The following MINDY3 variants were observed in gnomAD, a reference collection of about 807,000 sequenced individuals.
The protein encoded by MINDY3 is MINDY lysine 48 deubiquitinase 3.
Under a neutral mutation model 69.2 loss-of-function variants are expected in MINDY3, and 38 were observed. The observed-to-expected ratio is 0.55, with a 90% CI of 0.42 to 0.72. The LOEUF (loss-of-function observed/expected upper bound fraction) is 0.72. MINDY3 is among the 30% of genes least tolerant of loss of function. MINDY3 has a pLI of 0.00. For missense variants in MINDY3, 522 were observed against 519.0 expected, an observed-to-expected ratio of 1.01 and a Z score of -0.06; for synonymous variants, 192 against 180.1, an observed-to-expected ratio of 1.07 and a Z score of -0.53.
chr10:15,820,748 T>C lies in MINDY3; in HGVS notation c.801+908A>G, dbSNP rs184509508. 1.1e-3 allele frequency among the ~76,000 whole-genome samples: 166 copies of C among 152,270 alleles called. 1 individual carries two copies. Among genetic ancestry groups the C allele is most frequent in the African/African-American group, 3.8e-3 (157 of 41,534 alleles). ...GTCTGACGAAAAAGAGGATCAACCA[T>C]GATTATCGTTATTACATATAATTAT... On this transcript the variant is annotated intron_variant, in intron 9 of 14. Coordinates refer to ENST00000277632, the MANE Select transcript of MINDY3 (RefSeq NM_024948.4).
At chr10:15,796,891 T>A (rs892927112) in intron 10 of MINDY3, among the ~76,000 whole-genome samples, 17 of 152,190 alleles carry the variant, frequency 1.1e-4, no homozygotes, top group African/African-American at 4.1e-4. Flanking sequence ...AAATTCTACT[T>A]GACACACATG....
At chr10:15,808,257 T>C (rs1458507688) in intron 10 of MINDY3, among the ~76,000 whole-genome samples, 33 of 152,168 alleles carry the variant, frequency 2.2e-4, no homozygotes, top group Admixed American at 2.2e-3. Flanking sequence ...CTTTCTGTAT[T>C]AGATGAGGCA....
At chr10:15,824,524 A>C (rs1169955445) in intron 8 of MINDY3, among the ~76,000 whole-genome samples, 1 of 152,206 alleles carries the variant, frequency 6.6e-6, no homozygotes, top group Non-Finnish European at 1.5e-5. Flanking sequence ...TAGAATCTTC[A>C]GGTTAAAGCA....
At chr10:15,793,456 T>G (rs1367399232) in intron 11 of MINDY3, among the ~76,000 whole-genome samples, 2 of 152,156 alleles carry the variant, frequency 1.3e-5, no homozygotes, top group Non-Finnish European at 2.9e-5. Flanking sequence ...AAATAAGTAC[T>G]GGGCTCCTAA....
chr10:15,786,900 G>GATAA (rs1406936677), intron 12 of MINDY3, among the ~76,000 whole-genome samples: 9 of 152,016 alleles, frequency 5.9e-5, no homozygotes, highest in South Asian at 2.1e-4. Context: ...TTCCTTATTA[G>GATAA]GTAAAGTAAT....
chr10:15,849,375 T>A lies in MINDY3; in HGVS notation c.95-1432A>T, dbSNP rs184254305. On this transcript the variant is annotated intron_variant, in intron 1 of 14. Transcript: ENST00000277632. ...CAGGAAAGATGACAAGTGGTTAATA[T>A]TGCAAAGGGCCAAAGAACCAGGACT... is the stretch of plus-strand genomic sequence containing the variant. Among the ~76,000 whole-genome samples the A allele has an allele frequency of 4.5e-3, 686 of 151,486 alleles. 6 individuals carry two copies. Among genetic ancestry groups the A allele is most frequent in the African/African-American group, 0.016 (660 of 41,362 alleles).
rs1833397822 is a variant in MINDY3, at chr10:15,840,527, T to C, written c.409+899A>G. On this transcript the variant is annotated intron_variant, in intron 4 of 14. Transcript: ENST00000277632. ...CAACAGCACCTTATAGATAATACTA[T>C]ATGGAAAGCAAAATGTGTATCCCAT... 2.6e-5 allele frequency among the ~76,000 whole-genome samples: 4 copies of C among 151,676 alleles called. 1 individual carries two copies. In the South Asian group the frequency reaches 8.3e-4, roughly 31 times the overall value.
chr10:15,782,566 A>G (rs963123232), intron 13 of MINDY3, among the ~76,000 whole-genome samples: 3 of 152,108 alleles, frequency 2.0e-5, no homozygotes, highest in Non-Finnish European at 2.9e-5. Flanking sequence ...CTCCTTTTCT[A>G]TGTAAATAAT....
chr10:15,840,885 A>G (rs1008994080), intron 4 of MINDY3, among the ~76,000 whole-genome samples: 10 of 151,654 alleles, frequency 6.6e-5, no homozygotes, highest in African/African-American at 2.4e-4. Context: ...AACAGCTATT[A>G]TTTAACTTAT....
rs1044521092 is a variant in MINDY3, at chr10:15,847,810, T to A, written c.174+54A>T. The A allele has an allele frequency of 3.1e-6, 4 of 1,285,634 alleles. No homozygotes were observed. In the South Asian group the frequency reaches 3.6e-5, roughly 11 times the overall value. The allele number at this position is 1,285,634 out of a possible 1,614,324, so 79.6% of individuals were successfully genotyped here. A position where few individuals can be genotyped will look rare whatever the true frequency, so the allele number is the denominator to read the frequency against. Reference sequence around the variant, plus strand: ...AGTACAGACATTAGAAAACGACAAGTATGAAACGTTTCAAAATGTCCCTCT... The same window carrying A: ...AGTACAGACATTAGAAAACGACAAGAATGAAACGTTTCAAAATGTCCCTCT... On this transcript the variant is annotated intron_variant, in intron 2 of 14. Coordinates refer to ENST00000277632, the MANE Select transcript of MINDY3 (RefSeq NM_024948.4).
intron 1 of MINDY3, among the ~76,000 whole-genome samples, chr10:15,851,872 G>T (rs1208814750): frequency 6.6e-6 from 1 of 152,108 alleles, no homozygotes; most frequent in Non-Finnish European, 1.5e-5. Context: ...GACACTGTAT[G>T]ATCTATCAAT....
chr10:15,803,932 T>C (rs529504826), intron 10 of MINDY3, among the ~76,000 whole-genome samples: 30 of 151,932 alleles, frequency 2.0e-4, no homozygotes, highest in African/African-American at 7.0e-4. Context: ...TTGTAATACT[T>C]AGGAGAAAAT....
At chr10:15,786,351 C>T (rs543304855) in intron 13 of MINDY3, among the ~76,000 whole-genome samples, 28 of 152,188 alleles carry the variant, frequency 1.8e-4, no homozygotes, top group African/African-American at 3.9e-4. Context: ...CTGGTGTCTG[C>T]GTCATCTTCT....
chr10:15,826,643 T>C (rs1840103889), intron 8 of MINDY3, among the ~76,000 whole-genome samples: 1 of 152,086 alleles, frequency 6.6e-6, no homozygotes, highest in South Asian at 2.1e-4. Context: ...AAGTATAACA[T>C]CAGGAAACAT....
chr10:15,820,930 C>G (rs1839713723), intron 9 of MINDY3, among the ~76,000 whole-genome samples: 1 of 152,076 alleles, frequency 6.6e-6, no homozygotes, highest in South Asian at 2.1e-4. Flanking sequence ...GGCAACATAG[C>G]AAGACCCTGT....
chr10:15,833,553 T>TA, intron 8 of MINDY3, 77 bp downstream of exon 8: 1 of 953,436 alleles, frequency 1.0e-6, no homozygotes, highest in Non-Finnish European at 1.7e-6. Flanking sequence ...AGCCATTAAA[T>TA]AGACGAATAA....
At chr10:15,839,052 G>T (rs1158529541) in intron 4 of MINDY3, among the ~76,000 whole-genome samples, 2 of 151,634 alleles carry the variant, frequency 1.3e-5, no homozygotes, top group Non-Finnish European at 3.0e-5. Context: ...AGCACAGATA[G>T]TCTTGGCTCC....
At chr10:15,821,540 G>A (rs929038236) in intron 9 of MINDY3, 116 bp downstream of exon 9, 2 of 689,804 alleles carry the variant, frequency 2.9e-6, no homozygotes, top group Non-Finnish European at 4.8e-6. Context: ...AGGAAGAAGA[G>A]AGCGGTACTG....
At chr10:15,803,938 A>G (rs1838444687) in intron 10 of MINDY3, among the ~76,000 whole-genome samples, 1 of 152,150 alleles carries the variant, frequency 6.6e-6, no homozygotes, top group Non-Finnish European at 1.5e-5. Flanking sequence ...TACTTAGGAG[A>G]AAATTTCAAC....
Sources: gnomAD v4.1 joint callset for allele counts (sites outside exome capture counted in the v4.1 genomes callset) on GRCh38, gnomAD v4.1.1 for gene constraint, MANE v1.5 for transcripts, NCBI Gene and HGNC (gene_info 2026-07-23, HGNC 2026-07-21) for gene names.